Variants in CLEC2A observed in about 807,000 individuals in gnomAD.
CLEC2A encodes the protein keratinocyte-associated C-type lectin.
Under a neutral mutation model 18.6 loss-of-function variants are expected in CLEC2A, and 19 were observed. That is an observed-to-expected ratio of 1.02 (90% CI 0.71 to 1.50). The LOEUF (loss-of-function observed/expected upper bound fraction) is 1.50, where lower values mean the gene tolerates loss of function less well. Among genes scored for constraint, CLEC2A ranks in the 40% most tolerant of loss-of-function variants. The pLI is 0.00. For missense variants in CLEC2A, 190 were observed against 207.9 expected (o/e 0.91, Z 0.53); for synonymous variants, 74 against 64.0 (o/e 1.16, Z -0.75).
chr12:9,930,575 T>A (rs973184211), intron 1 of CLEC2A, among the ~76,000 whole-genome samples: 4 of 152,094 alleles, frequency 2.6e-5, no homozygotes, highest in Non-Finnish European at 4.4e-5. Flanking sequence ...TCTCATTTTT[T>A]AATTTTGTAT....
rs1309777111 is a variant in CLEC2A, at chr12:9,913,388, G to A, written c.*178C>T. 2.7e-6 allele frequency: 3 copies of A among 1,099,254 alleles called. No homozygotes were observed. The highest frequency in any genetic ancestry group is 3.2e-5 in the African/African-American group (2 of 62,350). 68.1% of individuals were successfully genotyped at this position (1,099,254 alleles called of 1,614,324 possible). A position where few individuals can be genotyped will look rare whatever the true frequency, so the allele number is the denominator to read the frequency against. ...GCCCTTATAAAAGGCTCCAGAGAAC[G>A]GCCTTGTCTCTTTAACCATGGCAGG... is the stretch of plus-strand genomic sequence containing the variant. On this transcript the variant is annotated 3_prime_UTR_variant, in exon 5 of 5. Coordinates refer to ENST00000455827, the MANE Select transcript of CLEC2A (RefSeq NM_001130711.2).
chr12:9,898,912 G>A (rs967688532), exon 5 of CLEC2A: 6 of 715,770 alleles, frequency 8.4e-6, no homozygotes, highest in African/African-American at 7.0e-5. Context: ...GCCTATCTAA[G>A]GGGTCCCAGC....
At chr12:9,879,655 C>T in the CLEC2A span, among the ~76,000 whole-genome samples, 1 of 152,184 alleles carries the variant, frequency 6.6e-6, no homozygotes, top group Non-Finnish European at 1.5e-5. Context: ...TACCTCAGAA[C>T]TGGTTGCACA....
chr12:9,881,036 G>T, the CLEC2A span, among the ~76,000 whole-genome samples: 1 of 152,134 alleles, frequency 6.6e-6, no homozygotes, highest in African/African-American at 2.4e-5. Flanking sequence ...TAAATTCTTT[G>T]CAAGTGATTC....
At position 9,899,303 on chromosome 12, in the gene CLEC2A, C is replaced by T. The variant is rs1054965076; in HGVS notation, c.411-327G>A. ...AATTACCTAACTGAGAGGAGTATCT[C>T]ATAGTATGGAGACACAATTACCTAA... On this transcript the variant is annotated intron_variant, in intron 4 of 4. Transcript: ENST00000339766. Among the ~76,000 whole-genome samples, 4 of 152,202 alleles carry T rather than the reference C, an allele frequency of 2.6e-5. 1 individual carries two copies. The East Asian group carries it at 5.8e-4, about 22-fold the overall frequency.
chr12:9,895,289 AC>A (rs1391399808), downstream of CLEC2A, among the ~76,000 whole-genome samples: 1 of 152,240 alleles, frequency 6.6e-6, no homozygotes, highest in Non-Finnish European at 1.5e-5. Flanking sequence ...TAGATAGGAA[AC>A]AAAACTGAAA....
the CLEC2A span, chr12:9,884,944 A>G: frequency 8.3e-6 from 10 of 1,198,702 alleles, no homozygotes; most frequent in Admixed American, 3.1e-5. Context: ...ATTTCTCCCT[A>G]TATCCACAAT....
the CLEC2A span, among the ~76,000 whole-genome samples, chr12:9,886,731 A>T: frequency 1.4e-5 from 2 of 139,526 alleles, no homozygotes; most frequent in African/African-American, 5.2e-5. Context: ...CTGTCGGTCT[A>T]TTTACACAGT....
chr12:9,913,491 G>T lies in CLEC2A; in HGVS notation c.*75C>A. The T allele has an allele frequency of 6.7e-7, 1 of 1,490,454 alleles. No individual in the cohort carries two copies. The allele number at this position is 1,490,454 out of a possible 1,614,324, so 92.3% of individuals were successfully genotyped here. A position where few individuals can be genotyped will look rare whatever the true frequency, so the allele number is the denominator to read the frequency against. On this transcript the variant is annotated 3_prime_UTR_variant, in exon 5 of 5. Transcript: ENST00000455827. ...TTCCGTATTCTGTAACAGAATAAGT[G>T]AGAAAGCCACTTTTGCATAATTAGC...
At chr12:9,915,955 C>A (rs544009444) in intron 4 of CLEC2A, among the ~76,000 whole-genome samples, 3 of 142,312 alleles carry the variant, frequency 2.1e-5, no homozygotes, top group Non-Finnish European at 4.7e-5. Context: ...TTGCATATTT[C>A]AATATTTGTT....
chr12:9,890,951 C>T, the CLEC2A span, among the ~76,000 whole-genome samples: 1 of 151,942 alleles, frequency 6.6e-6, no homozygotes, highest in Non-Finnish European at 1.5e-5. Flanking sequence ...TTTTTCTTTT[C>T]ATTTGATTTC....
At position 9,914,006 on chromosome 12, in the gene CLEC2A, C is replaced by A. The variant is rs571746731; in HGVS notation, c.411-326G>T. 2.6e-5 allele frequency among the ~76,000 whole-genome samples: 4 copies of A among 152,246 alleles called. No homozygotes were observed. In the South Asian group the frequency reaches 8.3e-4, roughly 32 times the overall value. On this transcript the variant is annotated intron_variant, in intron 4 of 4. Transcript: ENST00000455827. ...TCCTTGGTTCTTTCCTTCCTTTCTT[C>A]TTTCTTTCCTTTCTATCTATATGCA... is the stretch of plus-strand genomic sequence containing the variant.
chr12:9,905,192 C>T (rs1438216947), intron 4 of CLEC2A, among the ~76,000 whole-genome samples: 1 of 152,144 alleles, frequency 6.6e-6, no homozygotes, highest in Non-Finnish European at 1.5e-5. Flanking sequence ...GCCCATTTTT[C>T]TCTGATTGTG....
At chr12:9,920,227 G>C (rs146747613) in intron 3 of CLEC2A, among the ~76,000 whole-genome samples, 53 of 152,294 alleles carry the variant, frequency 3.5e-4, no homozygotes, top group African/African-American at 1.2e-3. Flanking sequence ...CTTTACTAGG[G>C]ATGTGTAAGG....
rs1565530615 is a variant in CLEC2A at position 9,913,689 on chromosome 12, G to C, written c.411-9C>G. 6.6e-7 allele frequency: 1 copy of C among 1,521,598 alleles called. No homozygotes were observed. Among genetic ancestry groups the C allele is most frequent in the Non-Finnish European group, 8.9e-7 (1 of 1,127,416 alleles). The allele number at this position is 1,521,598 out of a possible 1,614,324, so 94.3% of individuals were successfully genotyped here. The stretch of plus-strand genomic sequence containing the variant: ...TCCCTATAATTTCAAACCTGAAAAA[G>C]AACACTCTAAATCAGTCTGGGAACC... On this transcript the variant is annotated splice_polypyrimidine_tract_variant and intron_variant, in intron 4 of 4. Coordinates refer to ENST00000455827, the MANE Select transcript of CLEC2A (RefSeq NM_001130711.2).
At chr12:9,906,718 C>T (rs113314035) in intron 4 of CLEC2A, among the ~76,000 whole-genome samples, 226 of 152,328 alleles carry the variant, frequency 1.5e-3, no homozygotes, top group African/African-American at 5.3e-3. Context: ...TTATTGAATA[C>T]CCATTATGTC....
At chr12:9,878,081 C>T in the CLEC2A span, among the ~76,000 whole-genome samples, 18 of 151,344 alleles carry the variant, frequency 1.2e-4, no homozygotes, top group Non-Finnish European at 4.4e-5. Context: ...GATGACACCT[C>T]TACATCCAGC....
At chr12:9,905,691 CA>C (rs553212699) in intron 4 of CLEC2A, among the ~76,000 whole-genome samples, 241 of 152,188 alleles carry the variant, frequency 1.6e-3, no homozygotes, top group African/African-American at 5.6e-3. Flanking sequence ...AGATGGGTGC[CA>C]GGGGGTATGG....
At chr12:9,895,705 C>T (rs1207342249), downstream of CLEC2A, 2 of 1,532,806 alleles carry the variant, frequency 1.3e-6, no homozygotes. Flanking sequence ...AGTGATTGGA[C>T]CAACTGATGA....
Sources: gnomAD v4.1 joint callset for allele counts (sites outside exome capture counted in the v4.1 genomes callset) on GRCh38, gnomAD v4.1.1 for gene constraint, MANE v1.5 for transcripts, NCBI Gene and HGNC (gene_info 2026-07-23, HGNC 2026-07-21) for gene names.